Variants in MX2 observed in about 807,000 individuals in gnomAD.
MX2 encodes the protein MX dynamin like GTPase 2.
Under a neutral mutation model 74.0 loss-of-function variants are expected in MX2, and 51 were observed. The ratio of observed to expected loss-of-function variants is 0.69; its 90% CI spans 0.55 to 0.87. The LOEUF (loss-of-function observed/expected upper bound fraction) is 0.87, where lower values mean the gene tolerates loss of function less well. Among genes scored for constraint, MX2 ranks in the 40% least tolerant of loss-of-function variants. The probability of loss-of-function intolerance (pLI) is 0.00; values close to 1 mark genes in which losing one functional copy is unlikely to be tolerated. For synonymous variants in MX2, 369 were observed against 339.3 expected (o/e 1.09, Z -0.96); for missense variants, 832 against 908.7 (o/e 0.92, Z 1.09).
chr21:41,402,342 G>A lies in MX2; in HGVS notation c.1573+214G>A, dbSNP rs1174149264. On this transcript the variant is annotated intron_variant, in intron 11 of 13. Coordinates refer to ENST00000330714, the MANE Select transcript of MX2 (RefSeq NM_002463.2). The surrounding 1 kb of genome is among the most constrained non-coding windows in gnomAD (Gnocchi z 4.5). The stretch of plus-strand genomic sequence containing the variant: ...CTACCGATTCTGCCCTTCTGCCTGA[G>A]AACTCGTACTGAGGTTTCCAGGAGA... 2 of 527,996 alleles carry A rather than the reference G, an allele frequency of 3.8e-6. No homozygotes were observed. The highest frequency in any genetic ancestry group is 6.4e-6 in the Non-Finnish European group (2 of 311,884). 32.7% of individuals were successfully genotyped at this position (527,996 alleles called of 1,614,324 possible).
chr21:41,389,381 C>T (rs2089625538), intron 5 of MX2, among the ~76,000 whole-genome samples: 1 of 151,938 alleles, frequency 6.6e-6, no homozygotes, highest in South Asian at 2.1e-4. Context: ...ATTAACCAGG[C>T]ATGGTGGTGC....
At chr21:41,397,883 T>G (rs2089756918) in intron 8 of MX2, among the ~76,000 whole-genome samples, 192 bp downstream of exon 8, 1 of 152,136 alleles carries the variant, frequency 6.6e-6, no homozygotes, top group African/African-American at 2.4e-5. Context: ...GTACATAGTA[T>G]TAAAACAAAT....
At chr21:41,370,433 G>T (rs1038908738) in intron 1 of MX2, 1 of 152,262 alleles carries the variant, frequency 6.6e-6, no homozygotes, top group Non-Finnish European at 1.5e-5. Context: ...CGTTGGAGTG[G>T]GGCGGTGTGG....
Position 41,408,665 on chromosome 21 carries a change from T to C in MX2, c.*432T>C, listed in dbSNP as rs2088949423. 1 of 167,122 alleles carries C rather than the reference T, an allele frequency of 6.0e-6. No homozygotes were observed. Among genetic ancestry groups the C allele is most frequent in the Admixed American group, 6.0e-5 (1 of 16,712 alleles). 10.4% of individuals were successfully genotyped at this position (167,122 alleles called of 1,614,324 possible). A position where few individuals can be genotyped will look rare whatever the true frequency, so the allele number is the denominator to read the frequency against. On this transcript the variant is annotated 3_prime_UTR_variant, in exon 14 of 14. Transcript: ENST00000330714. ...AATAAATGACATCTCACTGAACGAA[T>C]GAGTGCTGTGTAAGTGATGGAGATA...
chr21:41,401,845 A>G, intron 10 of MX2, 125 bp from the exon 11 acceptor site: 1 of 1,051,272 alleles, frequency 9.5e-7, no homozygotes, highest in Non-Finnish European at 1.4e-6. Context: ...CATTGTGAAC[A>G]AAACTCCACT....
rs2089283437 is a variant in MX2 at position 41,368,085 on chromosome 21, G to A, written c.-72+6030G>A. 6.6e-6 allele frequency among the ~76,000 whole-genome samples: 1 copy of A among 152,148 alleles called. No individual in the cohort carries two copies. Among genetic ancestry groups the A allele is most frequent in the African/African-American group, 2.4e-5 (1 of 41,414 alleles). Reference sequence around the variant, plus strand: ...TGCTCTGCATTTATACTGGGCTGCGGAAGCTCCCACGTGGGGACCAAGCCC... The same window carrying A: ...TGCTCTGCATTTATACTGGGCTGCGAAAGCTCCCACGTGGGGACCAAGCCC... On this transcript the variant is annotated intron_variant, in intron 1 of 13. Coordinates refer to ENST00000330714, the MANE Select transcript of MX2 (RefSeq NM_002463.2). The surrounding 1 kb of genome is among the most constrained non-coding windows in gnomAD (Gnocchi z 4.6).
chr21:41,382,226 A>G, intron 4 of MX2, among the ~76,000 whole-genome samples, 184 bp from the exon 5 acceptor site: 1 of 151,790 alleles, frequency 6.6e-6, no homozygotes, highest in East Asian at 1.9e-4. Context: ...GCACCTACAT[A>G]TTAAACAGCC....
rs570878109 is a variant in MX2 at position 41,402,934 on chromosome 21, AC to A, written c.1574-332del. The A allele has an allele frequency of 1.4e-4, 39 of 287,556 alleles. 1 individual carries two copies. In the South Asian group the frequency reaches 1.5e-3, roughly 11 times the overall value. 17.8% of individuals were successfully genotyped at this position (287,556 alleles called of 1,614,324 possible). A position where few individuals can be genotyped will look rare whatever the true frequency, so the allele number is the denominator to read the frequency against. On this transcript the variant is annotated intron_variant, in intron 11 of 13. Coordinates refer to ENST00000330714, the MANE Select transcript of MX2 (RefSeq NM_002463.2). This position sits in a 1 kb window ranked among gnomAD's most constrained non-coding sequence, Gnocchi z 4.5. ...AGGTGGGGCTCAGGCAGCAGTGCTCACTAGCTCACTGCACACCTCCTGCCGG... is the reference window on the plus strand; with the variant it reads ...AGGTGGGGCTCAGGCAGCAGTGCTCATAGCTCACTGCACACCTCCTGCCGG...
rs530561387 is a variant in MX2 at position 41,407,524 on chromosome 21, T to C, written c.1906-467T>C. The stretch of plus-strand genomic sequence containing the variant: ...GTTCCCAGGAAGAAAAAATAGCTTT[T>C]AAACTGCAAAGACACCCACCTCCCG... On this transcript the variant is annotated intron_variant, in intron 13 of 13. Transcript: ENST00000330714. 4.9e-4 allele frequency among the ~76,000 whole-genome samples: 75 copies of C among 152,294 alleles called. 1 individual carries two copies. Among genetic ancestry groups the C allele is most frequent in the Admixed American group, 3.5e-3 (54 of 15,290 alleles).
At position 41,407,883 on chromosome 21, in the gene MX2, C is replaced by A. The variant is rs2145983069; in HGVS notation, c.1906-108C>A. ...GTGGAGGTGGGCGAGACCACCAGGG[C>A]TTCGCCAGGCAACCATGTGCGCATC... On this transcript the variant is annotated intron_variant, in intron 13 of 13. Transcript: ENST00000330714. The A allele has an allele frequency of 2.1e-6, 3 of 1,448,532 alleles. No individual in the cohort carries two copies. In the East Asian group the frequency reaches 6.8e-5, roughly 33 times the overall value. The allele number at this position is 1,448,532 out of a possible 1,614,324, so 89.7% of individuals were successfully genotyped here.
chr21:41,392,541 TGAA>T (rs2089674372), intron 6 of MX2, among the ~76,000 whole-genome samples: 2 of 152,126 alleles, frequency 1.3e-5, no homozygotes. Context: ...GTTCAATGGG[TGAA>T]GAGCTTTAGT....
intron 1 of MX2, among the ~76,000 whole-genome samples, chr21:41,375,770 AG>A (rs944424402): frequency 4.6e-5 from 7 of 152,234 alleles, no homozygotes; most frequent in African/African-American, 1.7e-4. Flanking sequence ...CCCAGGTTCC[AG>A]GTGAACATAA....
chr21:41,377,058 G>A lies in MX2; in HGVS notation c.152G>A (p.Gly51Glu). Residue 51 changes from glycine to glutamate, a missense_variant, in exon 2 of 14, where the codon GGG becomes GAG. Physicochemically the swap from Gly to Glu is moderately conservative, Grantham distance 98. Transcript: ENST00000330714. ...ATGATGTTTCCTCCAAACTGGCAGG[G>A]GGCAGAGAAGGACGCTGCTTTCCTC... is the stretch of plus-strand genomic sequence containing the variant. ...PQMMFPPNWQ[G>E]AEKDAAFLAK... The A allele has an allele frequency of 1.2e-6, 2 of 1,614,242 alleles. No homozygotes were observed. The highest frequency in any genetic ancestry group is 1.7e-6 in the Non-Finnish European group (2 of 1,180,042).
At chr21:41,405,496 AAG>A (rs1480340812) in intron 12 of MX2, among the ~76,000 whole-genome samples, 3 of 151,862 alleles carry the variant, frequency 2.0e-5, no homozygotes. Flanking sequence ...ACACGGTGGA[AAG>A]AGCGCTCTCT....
intron 6 of MX2, among the ~76,000 whole-genome samples, chr21:41,392,075 G>A (rs975821238): frequency 6.6e-6 from 1 of 152,078 alleles, no homozygotes; most frequent in Non-Finnish European, 1.5e-5. Context: ...GAGAACATGT[G>A]GCATTTGGTT....
chr21:41,374,913 C>G (rs905113581), intron 1 of MX2, among the ~76,000 whole-genome samples: 4 of 152,198 alleles, frequency 2.6e-5, no homozygotes, highest in African/African-American at 9.7e-5. Context: ...AGCTCAGAAC[C>G]CTCCAAAGGC....
At chr21:41,398,545 G>A (rs1407151221) in intron 8 of MX2, among the ~76,000 whole-genome samples, 1 of 152,190 alleles carries the variant, frequency 6.6e-6, no homozygotes, top group Admixed American at 6.5e-5. Flanking sequence ...TACCCTTAGA[G>A]CAAAGATGAT....
chr21:41,390,867 A>G (rs754044929), intron 6 of MX2, among the ~76,000 whole-genome samples, 164 bp downstream of exon 6: 2 of 152,172 alleles, frequency 1.3e-5, no homozygotes, highest in Non-Finnish European at 2.9e-5. Context: ...TTAGTCGGGC[A>G]TGGTGGCTGG....
rs970494825 is a variant in MX2 at position 41,382,426 on chromosome 21, C to T, written c.594C>T (p.Ala198=). The T allele has an allele frequency of 8.7e-6, 14 of 1,613,982 alleles. No individual in the cohort carries two copies. Among genetic ancestry groups the T allele is most frequent in the African/African-American group, 6.7e-5 (5 of 74,944 alleles). The part of the protein sequence containing the change: ...KEIHKAQNVM[A]GNGRGISHEL... ...CCTCCATAGCCCAGAACGTCATGGC[C>T]GGGAATGGCCGGGGCATCAGCCATG... is the stretch of plus-strand genomic sequence containing the variant. The change falls in exon 5 of 14, where the codon GCC becomes GCT. Residue 198 remains alanine (A), a synonymous_variant. Transcript: ENST00000330714.
Sources: allele counts gnomAD v4.1 joint callset (sites outside exome capture counted in the v4.1 genomes callset), GRCh38; gene constraint gnomAD v4.1.1; non-coding constraint Gnocchi (gnomAD v3.1); transcripts MANE v1.5; gene names NCBI Gene and HGNC (gene_info 2026-07-23, HGNC 2026-07-21).